The following USH2A variants were observed in gnomAD, a reference collection of about 807,000 sequenced individuals.
The protein encoded by USH2A is Usher syndrome 2A (autosomal recessive, mild).
In USH2A, 443 loss-of-function variants were observed where a neutral mutation model predicts 538.9. The ratio of observed to expected loss-of-function variants is 0.82; its 90% CI spans 0.76 to 0.89. The LOEUF (loss-of-function observed/expected upper bound fraction) is 0.89. Ranked by LOEUF, USH2A falls within the 40% of genes least tolerant of loss-of-function variation. The probability of loss-of-function intolerance (pLI) is 0.00; values close to 1 mark genes in which losing one functional copy is unlikely to be tolerated. For synonymous variants in USH2A, 2,413 were observed against 2,273.5 expected (o/e 1.06, Z -1.75); for missense variants, 6,633 against 6,324.8 (o/e 1.05, Z -1.65).
At chr1:215,816,242 A>G (rs1429304353) in intron 48 of USH2A, among the ~76,000 whole-genome samples, 2 of 152,048 alleles carry the variant, frequency 1.3e-5, no homozygotes, top group African/African-American at 4.8e-5. Context: ...CATAATGATA[A>G]TTTTAGAGTC....
chr1:215,846,855 G>T (rs1256524653), intron 44 of USH2A, among the ~76,000 whole-genome samples: 6 of 152,140 alleles, frequency 3.9e-5, no homozygotes, highest in Non-Finnish European at 8.8e-5. Context: ...CTGATACCTA[G>T]AAGGATGCTT....
At chr1:215,693,383 T>G (rs897489454) in intron 61 of USH2A, among the ~76,000 whole-genome samples, 7 of 152,172 alleles carry the variant, frequency 4.6e-5, no homozygotes, top group Non-Finnish European at 2.9e-5. Flanking sequence ...CATCTTCACA[T>G]GAAGCTAGGA....
intron 3 of USH2A, among the ~76,000 whole-genome samples, chr1:216,379,530 T>G (rs959884659): frequency 7.2e-5 from 11 of 152,158 alleles, no homozygotes; most frequent in African/African-American, 2.4e-4. Context: ...TTATTCATGA[T>G]GCACTTGAGA....
intron 14 of USH2A, 47 bp from the exon 15 acceptor site, chr1:216,217,597 A>C: frequency 6.2e-7 from 1 of 1,602,144 alleles, no homozygotes; most frequent in Non-Finnish European, 8.5e-7. Flanking sequence ...TGTTTTGATT[A>C]ATAATTCATA....
chr1:215,977,120 A>T (rs1432794691), intron 35 of USH2A, among the ~76,000 whole-genome samples: 2 of 152,140 alleles, frequency 1.3e-5, no homozygotes, highest in Non-Finnish European at 2.9e-5. Flanking sequence ...AATACAGAGA[A>T]AATTCTTAGA....
intron 49 of USH2A, among the ~76,000 whole-genome samples, chr1:215,799,342 T>A (rs886126678): frequency 2.0e-5 from 3 of 152,194 alleles, no homozygotes; most frequent in Non-Finnish European, 4.4e-5. Flanking sequence ...AACTTACAGG[T>A]AAGTCTATGT....
At chr1:215,627,377 CTTCCTTCT>C (rs1218179832) in intron 71 of USH2A, among the ~76,000 whole-genome samples, 11 of 145,790 alleles carry the variant, frequency 7.5e-5, no homozygotes, top group Non-Finnish European at 1.2e-4. Context: ...CCCTCCCTCC[CTTCCTTCT>C]TTCCTTCCTT....
At chr1:215,815,913 G>A (rs951297270) in intron 48 of USH2A, among the ~76,000 whole-genome samples, 1 of 151,978 alleles carries the variant, frequency 6.6e-6, no homozygotes, top group African/African-American at 2.4e-5. Context: ...TACTTTGATG[G>A]AACACATTGT....
intron 9 of USH2A, among the ~76,000 whole-genome samples, chr1:216,316,727 C>A (rs2037516688): frequency 6.6e-6 from 1 of 152,130 alleles, no homozygotes; most frequent in South Asian, 2.1e-4. Flanking sequence ...ATATGCATTT[C>A]TCTAATGATC....
In USH2A at chr1:216,196,646, T is replaced by C; in HGVS notation, c.4158A>G (p.Ala1386=). ...CAACTTTTCCTCTTGTAACATTATC[T>C]GCTGGCTTCTCCCAGGAGATATTGA... ...YSLNISWEKP[A]DNVTRGKVVG... is the part of the protein sequence containing the mutation. The change falls in exon 19 of 72, where the codon GCA becomes GCG. Residue 1386 remains alanine, a synonymous_variant. Transcript: ENST00000307340. 6.2e-7 allele frequency: 1 copy of C among 1,613,636 alleles called. No individual in the cohort carries two copies. The highest frequency in any genetic ancestry group is 8.5e-7 in the Non-Finnish European group (1 of 1,179,714).
intron 44 of USH2A, among the ~76,000 whole-genome samples, chr1:215,865,821 T>C (rs2102439420): frequency 6.6e-6 from 1 of 152,354 alleles, no homozygotes; most frequent in African/African-American, 2.4e-5. Flanking sequence ...AACCTACTGA[T>C]TTAATTTATA....
At chr1:215,697,682 C>T (rs1395154462) in intron 61 of USH2A, among the ~76,000 whole-genome samples, 1 of 152,040 alleles carries the variant, frequency 6.6e-6, no homozygotes, top group South Asian at 2.1e-4. Flanking sequence ...CCATTACACC[C>T]AGCTAATTTT....
intron 14 of USH2A, among the ~76,000 whole-genome samples, chr1:216,219,569 T>C (rs1412676160): frequency 2.6e-5 from 4 of 152,106 alleles, no homozygotes; most frequent in Non-Finnish European, 4.4e-5. Context: ...TAAAACAAAA[T>C]TATACATAAT....
rs973759168 is a variant in USH2A, at chr1:216,408,371, C to G, written c.651+10143G>C. ...GCGCATACAGTAGTCCCCCTTTATC[C>G]ATTGAGGATATGTTGCAAGACTCCC... On this transcript the variant is annotated intron_variant, in intron 3 of 71. Transcript: ENST00000307340. Among the ~76,000 whole-genome samples the G allele has an allele frequency of 2.0e-5, 3 of 152,082 alleles. No homozygotes were observed. The East Asian group carries it at 5.8e-4, about 29-fold the overall frequency.
intron 39 of USH2A, among the ~76,000 whole-genome samples, chr1:215,900,465 T>G (rs543185469): frequency 6.6e-6 from 1 of 152,196 alleles, no homozygotes; most frequent in Non-Finnish European, 1.5e-5. Context: ...AGAATAGGTA[T>G]TATAATTTGT....
intron 44 of USH2A, among the ~76,000 whole-genome samples, chr1:215,864,494 G>T (rs1571759976): frequency 6.6e-6 from 1 of 152,102 alleles, no homozygotes; most frequent in East Asian, 1.9e-4. Flanking sequence ...ATGGGGACCG[G>T]GTCAGATTTT....
intron 60 of USH2A, among the ~76,000 whole-genome samples, chr1:215,738,339 T>C (rs1660210970): frequency 1.3e-5 from 2 of 152,158 alleles, no homozygotes; most frequent in Admixed American, 1.3e-4. Context: ...TGGTCTCTAT[T>C]CTTTACAAAA....
chr1:216,258,763 T>C (rs980873701), intron 11 of USH2A, among the ~76,000 whole-genome samples: 3 of 152,092 alleles, frequency 2.0e-5, no homozygotes, highest in African/African-American at 7.2e-5. Flanking sequence ...ATTTTGTCCA[T>C]ATTTTTATCA....
chr1:215,795,572 A>G (rs1185583942), intron 50 of USH2A, among the ~76,000 whole-genome samples: 1 of 152,204 alleles, frequency 6.6e-6, no homozygotes, highest in African/African-American at 2.4e-5. Flanking sequence ...AAAGCTACAG[A>G]TGAACAAACA....
Sources: gnomAD v4.1 joint callset for allele counts (sites outside exome capture counted in the v4.1 genomes callset) on GRCh38, gnomAD v4.1.1 for gene constraint, MANE v1.5 for transcripts, NCBI Gene and HGNC (gene_info 2026-07-23, HGNC 2026-07-21) for gene names.